Variants in MAGI2 observed in about 807,000 individuals in gnomAD.
The protein encoded by MAGI2 is membrane-associated guanylate kinase, WW and PDZ domain-containing protein 2.
Under a neutral mutation model 133.3 loss-of-function variants are expected in MAGI2, and 35 were observed. The observed-to-expected ratio is 0.26, with a 90% CI of 0.20 to 0.35. The LOEUF is 0.35. Among genes scored for constraint, MAGI2 ranks in the 10% least tolerant of loss-of-function variants. The pLI is 1.00. For missense variants in MAGI2, 1,636 were observed against 1,863.4 expected, an observed-to-expected ratio of 0.88 and a Z score of 2.25; for synonymous variants, 729 against 710.6, an observed-to-expected ratio of 1.03 and a Z score of -0.41.
intron 1 of MAGI2, among the ~76,000 whole-genome samples, chr7:79,441,436 G>C (rs1848489582): frequency 6.6e-6 from 1 of 152,046 alleles, no homozygotes; most frequent in Admixed American, 6.6e-5. Context: ...ATTTTAAAAG[G>C]GAGATTTGGG....
intron 2 of MAGI2, among the ~76,000 whole-genome samples, chr7:78,637,108 A>T (rs1428365821): frequency 2.0e-5 from 3 of 152,294 alleles, no homozygotes; most frequent in Middle Eastern, 3.4e-3. Context: ...CAATCCATAA[A>T]GCATGCAGGT....
intron 2 of MAGI2, among the ~76,000 whole-genome samples, chr7:78,856,816 G>A (rs1389862582): frequency 1.3e-5 from 2 of 152,152 alleles, no homozygotes; most frequent in African/African-American, 2.4e-5. Flanking sequence ...GATGGGGATG[G>A]CATTGAATCT....
chr7:78,107,326 A>G (rs1818794266), intron 20 of MAGI2, among the ~76,000 whole-genome samples: 1 of 151,892 alleles, frequency 6.6e-6, no homozygotes, highest in Non-Finnish European at 1.5e-5. Flanking sequence ...GCTTTTGCCT[A>G]CTCTAGGTCT....
intron 1 of MAGI2, among the ~76,000 whole-genome samples, chr7:79,064,149 G>A (rs1002549709): frequency 2.0e-5 from 3 of 151,872 alleles, no homozygotes; most frequent in Admixed American, 6.6e-5. Flanking sequence ...TGCTTTCTTT[G>A]TACTACAGAG....
At chr7:78,204,013 C>T (rs1275188204) in intron 10 of MAGI2, among the ~76,000 whole-genome samples, 1 of 152,168 alleles carries the variant, frequency 6.6e-6, no homozygotes, top group Non-Finnish European at 1.5e-5. Context: ...TCAAAACTGT[C>T]AAGTCCTTGA....
intron 3 of MAGI2, among the ~76,000 whole-genome samples, chr7:78,588,944 G>A (rs749853658): frequency 1.3e-5 from 2 of 152,130 alleles, no homozygotes; most frequent in Admixed American, 6.5e-5. Context: ...GAAATGACTT[G>A]CCCACTGTCA....
chr7:78,661,241 A>G (rs1360839680), intron 2 of MAGI2, among the ~76,000 whole-genome samples: 1 of 82,084 alleles, frequency 1.2e-5, no homozygotes, highest in East Asian at 1.5e-3. Flanking sequence ...CCTAGTCCTC[A>G]CTTCTTGCTA....
intron 1 of MAGI2, among the ~76,000 whole-genome samples, chr7:79,196,759 GT>G (rs1828116068): frequency 6.6e-6 from 1 of 151,380 alleles, no homozygotes; most frequent in Non-Finnish European, 1.5e-5. Context: ...TCATAAATTT[GT>G]TTGCTTGTTT....
intron 2 of MAGI2, among the ~76,000 whole-genome samples, chr7:78,674,556 A>C (rs1030427793): frequency 1.3e-4 from 20 of 152,088 alleles, no homozygotes; most frequent in African/African-American, 4.8e-4. Flanking sequence ...GTAATTTTTA[A>C]TATTTTGTCT....
In MAGI2 at chr7:79,132,538, T is replaced by A. The variant is rs946915120; in HGVS notation, c.302-125332A>T. Among the ~76,000 whole-genome samples the A allele has an allele frequency of 3.9e-5, 6 of 152,270 alleles. No homozygotes were observed. In the East Asian group the frequency reaches 1.2e-3, roughly 29 times the overall value. On this transcript the variant is annotated intron_variant, in intron 1 of 21. Transcript: ENST00000354212. ...ATACTACATTTTCTTTATCCACTCA[T>A]TAGTCAATGGGCACTTAGGTTGGTT...
intron 1 of MAGI2, among the ~76,000 whole-genome samples, chr7:79,092,747 A>G (rs1584911165): frequency 6.6e-6 from 1 of 152,162 alleles, no homozygotes; most frequent in South Asian, 2.1e-4. Context: ...CTGATTTTAA[A>G]TCAGAAGGTC....
chr7:78,137,922 A>T (rs1822327446), intron 16 of MAGI2, among the ~76,000 whole-genome samples: 3 of 40,558 alleles, frequency 7.4e-5, no homozygotes, highest in Non-Finnish European at 6.2e-5. Context: ...GCACTGTGCT[A>T]AGTGATAATA....
At chr7:78,103,857 T>A (rs1818416954) in intron 20 of MAGI2, among the ~76,000 whole-genome samples, 1 of 152,276 alleles carries the variant, frequency 6.6e-6, no homozygotes, top group Non-Finnish European at 1.5e-5. Flanking sequence ...TACTTGTATT[T>A]AGTGCCATTT....
chr7:78,877,555 A>G (rs1795524582), intron 2 of MAGI2, among the ~76,000 whole-genome samples: 1 of 152,156 alleles, frequency 6.6e-6, no homozygotes, highest in Non-Finnish European at 1.5e-5. Context: ...CACTTGCAAG[A>G]CTTCTTGAGG....
chr7:78,069,489 ATGTGTGTATGTGTG>A (rs1369385166), intron 21 of MAGI2, among the ~76,000 whole-genome samples: 1 of 99,502 alleles, frequency 1.0e-5, no homozygotes. Flanking sequence ...GTGTATGTGT[ATGTGTGTATGTGTG>A]TGTGTGAGAG....
At chr7:78,804,451 A>C (rs1175218527) in intron 2 of MAGI2, among the ~76,000 whole-genome samples, 14 of 152,052 alleles carry the variant, frequency 9.2e-5, no homozygotes, top group African/African-American at 3.4e-4. Flanking sequence ...CTAAACTAAA[A>C]AAAAAAAAAA....
chr7:78,769,309 G>A (rs1314270997), intron 2 of MAGI2, among the ~76,000 whole-genome samples: 1 of 151,532 alleles, frequency 6.6e-6, no homozygotes, highest in Non-Finnish European at 1.5e-5. Flanking sequence ...AATGTAAGCT[G>A]CCACACATGC....
intron 15 of MAGI2, among the ~76,000 whole-genome samples, chr7:78,166,741 A>G (rs999891037): frequency 2.0e-5 from 3 of 152,174 alleles, no homozygotes; most frequent in African/African-American, 7.2e-5. Flanking sequence ...TGCAACTGGT[A>G]TAACAGCACA....
chr7:78,610,172 A>G (rs778864632), intron 3 of MAGI2, among the ~76,000 whole-genome samples: 3 of 152,066 alleles, frequency 2.0e-5, no homozygotes, highest in Admixed American at 6.5e-5. Flanking sequence ...CTTCTGGAGA[A>G]CTTTGCCCCA....
Sources: allele counts gnomAD v4.1 joint callset (sites outside exome capture counted in the v4.1 genomes callset), GRCh38; gene constraint gnomAD v4.1.1; transcripts MANE v1.5; gene names NCBI Gene and HGNC (gene_info 2026-07-23, HGNC 2026-07-21).